TPO: variants seen among roughly 807,000 people sequenced by gnomAD.
TPO encodes thyroid microsomal antigen.
A neutral mutation model predicts 96.9 loss-of-function variants in TPO; 78 were observed. The ratio of observed to expected loss-of-function variants is 0.81; its 90% CI spans 0.67 to 0.97. TPO has a LOEUF of 0.97. TPO is among the 50% of genes least tolerant of loss of function. TPO has a pLI of 0.00. For synonymous variants in TPO, 547 were observed against 538.0 expected (o/e 1.02, Z -0.23); for missense variants, 1,252 against 1,274.8 (o/e 0.98, Z 0.27).
intron 5 of TPO, among the ~76,000 whole-genome samples, chr2:1,437,136 C>T (rs1665657116): frequency 6.6e-6 from 1 of 152,158 alleles, no homozygotes; most frequent in Non-Finnish European, 1.5e-5. Context: ...GGGCATTTCT[C>T]AAATGGTCCA....
At chr2:1,434,939 C>CT (rs56031500) in intron 4 of TPO, among the ~76,000 whole-genome samples, 52 of 151,268 alleles carry the variant, frequency 3.4e-4, no homozygotes, top group Admixed American at 9.2e-4. Context: ...TTCTTTTCTT[C>CT]TTTTTTTTTG....
chr2:1,477,220 C>G lies in TPO; in HGVS notation c.954C>G (p.Asn318Lys). The part of the protein sequence containing the change: ...LSTANPRQQM[N>K]GLTSFLDAST... The stretch of plus-strand genomic sequence containing the variant: ...CGGCCAACCCGCGGCAGCAGATGAA[C>G]GGGTTGACCTCGTTCCTGGACGCGT... Residue 318 changes from asparagine (N) to lysine (K), a missense_variant, in exon 8 of 17, where the codon AAC (asparagine) becomes AAG (lysine). By Grantham distance (94) the Asn-to-Lys change is moderately conservative. Coordinates refer to ENST00000329066, the MANE Select transcript of TPO (RefSeq NM_001206744.2). 2 of 1,609,848 alleles carry G rather than the reference C, an allele frequency of 1.2e-6. No homozygotes were observed. Among genetic ancestry groups the G allele is most frequent in the Non-Finnish European group, 1.7e-6 (2 of 1,178,942 alleles).
At chr2:1,423,470 A>G (rs1191607643) in intron 3 of TPO, among the ~76,000 whole-genome samples, 2 of 152,202 alleles carry the variant, frequency 1.3e-5, no homozygotes, top group Non-Finnish European at 2.9e-5. Flanking sequence ...CCTAGATCCC[A>G]GATCTTTGGT....
At chr2:1,402,605 A>G (rs1036364399) in intron 1 of TPO, among the ~76,000 whole-genome samples, 3 of 152,210 alleles carry the variant, frequency 2.0e-5, no homozygotes, top group African/African-American at 7.2e-5. Flanking sequence ...CAATCATGGC[A>G]GAAGGTGAAA....
intron 15 of TPO, among the ~76,000 whole-genome samples, chr2:1,523,035 C>T (rs1675528235): frequency 6.8e-6 from 1 of 148,024 alleles, no homozygotes; most frequent in African/African-American, 2.5e-5. Flanking sequence ...GTGCAACCTC[C>T]CCAAATCTCC....
intron 1 of TPO, among the ~76,000 whole-genome samples, chr2:1,374,892 A>G (rs766253804): frequency 1.3e-5 from 2 of 151,056 alleles, no homozygotes; most frequent in Non-Finnish European, 1.5e-5. Context: ...ACGCCCAGCT[A>G]AATTTTTTTT....
intron 4 of TPO, among the ~76,000 whole-genome samples, 166 bp from the exon 5 acceptor site, chr2:1,436,086 G>A (rs1665539449): frequency 6.6e-6 from 1 of 152,208 alleles, no homozygotes; most frequent in South Asian, 2.1e-4. Context: ...AAATGAGTGA[G>A]CACTTGATGT....
At chr2:1,457,278 T>TCG (rs1667892904) in intron 7 of TPO, among the ~76,000 whole-genome samples, 2 of 59,390 alleles carry the variant, frequency 3.4e-5, no homozygotes. Context: ...GCATGTATGA[T>TCG]AGTGTGGGCA....
At chr2:1,508,162 A>G (rs1400818658) in intron 14 of TPO, among the ~76,000 whole-genome samples, 5 of 151,844 alleles carry the variant, frequency 3.3e-5, no homozygotes, top group Admixed American at 1.3e-4. Flanking sequence ...TTTGTCTTTG[A>G]TTCTGTTTAT....
chr2:1,537,358 C>T lies in TPO; in HGVS notation c.2619-3236C>T, dbSNP rs1383021157. Among the ~76,000 whole-genome samples, 25 of 134,122 alleles carry T rather than the reference C, an allele frequency of 1.9e-4. 1 individual carries two copies. The highest frequency in any genetic ancestry group is 5.7e-4 in the African/African-American group (20 of 35,024). 88.0% of individuals were successfully genotyped at this position (134,122 alleles called of 152,430 possible). On this transcript the variant is annotated intron_variant, in intron 15 of 16. Transcript: ENST00000329066. ...CAAATCCTCCACTCTGTTCGACCTC[C>T]GCCTATCGCCCTACTGTGTGCAACT...
At chr2:1,468,498 G>A (rs560841191) in intron 7 of TPO, among the ~76,000 whole-genome samples, 2 of 152,278 alleles carry the variant, frequency 1.3e-5, no homozygotes, top group South Asian at 4.1e-4. Flanking sequence ...ATTTTTGGTG[G>A]ATAATTGTTT....
chr2:1,461,030 T>C (rs922143091), intron 7 of TPO, among the ~76,000 whole-genome samples: 2 of 152,160 alleles, frequency 1.3e-5, no homozygotes, highest in African/African-American at 4.8e-5. Context: ...GGGTAATTTA[T>C]GTTTGTCCAG....
In TPO at chr2:1,477,720, C is replaced by T. The variant is rs2138019; in HGVS notation, c.1338+116C>T. On this transcript the variant is annotated intron_variant, in intron 8 of 16. Transcript: ENST00000329066. Reference sequence around the variant, plus strand: ...CAGGTACTTGCACAGCCATCATGGGCGCCCACATGGGTGAGCTCCAGGTCG... The same window carrying T: ...CAGGTACTTGCACAGCCATCATGGGTGCCCACATGGGTGAGCTCCAGGTCG... The T allele has an allele frequency of 0.46, 643,938 of 1,391,052 alleles. 150,003 individuals carry two copies. The highest frequency in any genetic ancestry group is 0.48 in the Non-Finnish European group (514,622 of 1,078,338). 86.2% of individuals were successfully genotyped at this position (1,391,052 alleles called of 1,614,324 possible).
At chr2:1,504,117 C>T (rs772174174) in intron 14 of TPO, 38 bp downstream of exon 14, 4 of 1,612,452 alleles carry the variant, frequency 2.5e-6, no homozygotes, top group East Asian at 2.2e-5. Flanking sequence ...CGTCCATTTG[C>T]GAGTTTTTGT....
intron 2 of TPO, among the ~76,000 whole-genome samples, chr2:1,422,116 A>G (rs546302695): frequency 6.6e-5 from 10 of 152,322 alleles, no homozygotes; most frequent in African/African-American, 2.2e-4. Context: ...CCAGAACCCA[A>G]GAGAGATCCA....
chr2:1,492,118 C>G (rs906216846), intron 10 of TPO, among the ~76,000 whole-genome samples: 1 of 152,040 alleles, frequency 6.6e-6, no homozygotes, highest in African/African-American at 2.4e-5. Flanking sequence ...GACTCAATGG[C>G]ACCTGACAGC....
At chr2:1,528,414 G>GGT (rs1677134036) in intron 15 of TPO, among the ~76,000 whole-genome samples, 1 of 69,042 alleles carries the variant, frequency 1.4e-5, no homozygotes. Context: ...CAAATCACCC[G>GGT]GTGTGCAACC....
At chr2:1,394,930 C>A (rs747278459) in intron 1 of TPO, among the ~76,000 whole-genome samples, 2 of 152,106 alleles carry the variant, frequency 1.3e-5, no homozygotes, top group Non-Finnish European at 2.9e-5. Flanking sequence ...AGTCACCGCG[C>A]AGGGCCTCTT....
intron 5 of TPO, among the ~76,000 whole-genome samples, chr2:1,450,447 T>G (rs1177210497): frequency 6.6e-6 from 1 of 152,202 alleles, no homozygotes; most frequent in Non-Finnish European, 1.5e-5. Flanking sequence ...GTCTCCCTCA[T>G]AAAACTCTCC....
Sources: gnomAD v4.1 joint callset for allele counts (sites outside exome capture counted in the v4.1 genomes callset) on GRCh38, gnomAD v4.1.1 for gene constraint, MANE v1.5 for transcripts, NCBI Gene and HGNC (gene_info 2026-07-23, HGNC 2026-07-21) for gene names.